PLPP1: variants seen among roughly 807,000 people sequenced by gnomAD.
PLPP1 encodes the protein lipid phosphate phosphohydrolase 1a.
A neutral mutation model predicts 31.2 loss-of-function variants in PLPP1; 24 were observed. The ratio of observed to expected loss-of-function variants is 0.77; its 90% CI spans 0.56 to 1.08. PLPP1 has a LOEUF of 1.08. PLPP1 is among the 50% of genes least tolerant of loss of function. PLPP1 has a pLI of 0.00. For synonymous variants in PLPP1, 146 were observed against 126.3 expected, an observed-to-expected ratio of 1.16 and a Z score of -1.05; for missense variants, 319 against 342.7, an observed-to-expected ratio of 0.93 and a Z score of 0.55.
At chr5:55,470,922 T>C (rs1220552125) in intron 2 of PLPP1, among the ~76,000 whole-genome samples, 1 of 152,190 alleles carries the variant, frequency 6.6e-6, no homozygotes, top group Non-Finnish European at 1.5e-5. Context: ...AAGCTAATAA[T>C]TATCTAAATC....
At chr5:55,518,393 A>G (rs1218802820) in intron 1 of PLPP1, among the ~76,000 whole-genome samples, 4 of 151,480 alleles carry the variant, frequency 2.6e-5, no homozygotes, top group Non-Finnish European at 5.9e-5. Flanking sequence ...AAAAAAATTG[A>G]CACCCAGCTG....
At chr5:55,426,160 T>G in intron 4 of PLPP1, 121 bp from the exon 5 acceptor site, 1 of 840,970 alleles carries the variant, frequency 1.2e-6, no homozygotes, top group Non-Finnish European at 1.8e-6. Flanking sequence ...ACAGGACTTC[T>G]AGGCAAACAT....
intron 1 of PLPP1, among the ~76,000 whole-genome samples, chr5:55,519,611 A>G (rs755753840): frequency 9.2e-5 from 14 of 152,052 alleles, no homozygotes; most frequent in Non-Finnish European, 1.6e-4. Context: ...TTAGCTGGGC[A>G]TGGTGGTGAG....
At chr5:55,490,908 T>A in intron 1 of PLPP1, 1 of 1,541,672 alleles carries the variant, frequency 6.5e-7, no homozygotes, top group Non-Finnish European at 8.9e-7. Flanking sequence ...CCATGCTTCA[T>A]CCAACCTCCA....
intron 4 of PLPP1, among the ~76,000 whole-genome samples, chr5:55,438,668 G>A (rs1166797614): frequency 2.6e-5 from 4 of 152,130 alleles, no homozygotes; most frequent in East Asian, 1.9e-4. Flanking sequence ...CTGGGAGCCC[G>A]AGGCAGGCGG....
chr5:55,500,153 C>A lies in PLPP1; in HGVS notation c.59-24703G>T, dbSNP rs181055019. Among the ~76,000 whole-genome samples, 8 of 150,554 alleles carry A rather than the reference C, an allele frequency of 5.3e-5. No homozygotes were observed. In the East Asian group the frequency reaches 1.6e-3, roughly 30 times the overall value. Reference sequence around the variant, plus strand: ...GGAGTGCAGTGGCGCAATCTCGGCTCACTACAAGCTCCACTTCCCGGGTTC... The same window carrying A: ...GGAGTGCAGTGGCGCAATCTCGGCTAACTACAAGCTCCACTTCCCGGGTTC... On this transcript the variant is annotated intron_variant, in intron 1 of 5. Coordinates refer to ENST00000307259, the MANE Select transcript of PLPP1 (RefSeq NM_003711.4).
intron 4 of PLPP1, among the ~76,000 whole-genome samples, chr5:55,441,526 T>C (rs1751619274): frequency 1.3e-5 from 2 of 152,210 alleles, no homozygotes; most frequent in African/African-American, 4.8e-5. Context: ...GCTCTGCTGC[T>C]GTTCGCCCAC....
At chr5:55,443,192 A>AAAAAAAAATATATAT in intron 3 of PLPP1, among the ~76,000 whole-genome samples, 5 of 25,440 alleles carry the variant, frequency 2.0e-4, no homozygotes, top group Admixed American at 7.8e-4. Flanking sequence ...AAAAAAAAAA[A>AAAAAAAAATATATAT]ATATATATAT....
chr5:55,478,196 T>C lies in PLPP1; in HGVS notation c.59-2746A>G, dbSNP rs532012155. On this transcript the variant is annotated intron_variant, in intron 1 of 5. Transcript: ENST00000307259. ...ACAAAAACCATGTTAGAAACTATTC[T>C]TAGATTTAGAAAAAAAGTTTGTGGG... is the stretch of plus-strand genomic sequence containing the variant. 3.7e-4 allele frequency among the ~76,000 whole-genome samples: 57 copies of C among 152,222 alleles called. 2 individuals carry two copies. In the South Asian group the frequency reaches 0.012, roughly 31 times the overall value.
intron 1 of PLPP1, among the ~76,000 whole-genome samples, chr5:55,497,412 ATTTTTTC>A (rs1256137791): frequency 2.1e-5 from 3 of 140,264 alleles, no homozygotes; most frequent in Non-Finnish European, 3.1e-5. Flanking sequence ...TTCCTGGCTA[ATTTTTTC>A]TTTTTTTTTT....
chr5:55,510,646 T>A (rs1753384982), intron 1 of PLPP1, among the ~76,000 whole-genome samples: 1 of 152,148 alleles, frequency 6.6e-6, no homozygotes, highest in Non-Finnish European at 1.5e-5. Context: ...CCCCTCCACC[T>A]AGCTAATGCC....
chr5:55,425,492 T>C, intron 5 of PLPP1, 158 bp from the exon 6 acceptor site: 1 of 649,334 alleles, frequency 1.5e-6, no homozygotes, highest in Non-Finnish European at 2.4e-6. Context: ...TGGGATTTTT[T>C]AAAGATTATT....
chr5:55,500,270 G>A (rs545118297), intron 1 of PLPP1, among the ~76,000 whole-genome samples: 8 of 151,858 alleles, frequency 5.3e-5, no homozygotes, highest in African/African-American at 9.7e-5. Flanking sequence ...TAGTAGAGAC[G>A]GGGTTTCACC....
At chr5:55,426,361 A>G (rs1326996427) in intron 4 of PLPP1, among the ~76,000 whole-genome samples, 2 of 152,186 alleles carry the variant, frequency 1.3e-5, no homozygotes, top group Non-Finnish European at 2.9e-5. Context: ...AATTTGGGTT[A>G]TAATTCTCAT....
intron 3 of PLPP1, among the ~76,000 whole-genome samples, chr5:55,462,403 G>A (rs1293973697): frequency 3.3e-5 from 5 of 151,354 alleles, no homozygotes; most frequent in South Asian, 2.1e-4. Context: ...GTTTTTTTTC[G>A]GTCAATAAAT....
At chr5:55,471,409 C>T (rs1752412811) in intron 2 of PLPP1, among the ~76,000 whole-genome samples, 1 of 152,088 alleles carries the variant, frequency 6.6e-6, no homozygotes, top group Admixed American at 6.5e-5. Context: ...ACCGTCTTGA[C>T]CAGGGTGGTC....
At chr5:55,491,161 C>T (rs1236728063) in intron 1 of PLPP1, 1 of 1,578,266 alleles carries the variant, frequency 6.3e-7, no homozygotes, top group Non-Finnish European at 8.6e-7. Context: ...ATTCAATTCA[C>T]TTCATTAGGA....
intron 1 of PLPP1, among the ~76,000 whole-genome samples, chr5:55,511,385 T>C (rs1053127740): frequency 6.6e-6 from 1 of 152,056 alleles, no homozygotes; most frequent in Non-Finnish European, 1.5e-5. Flanking sequence ...ATACATACAG[T>C]GAAATACCAT....
At chr5:55,530,797 G>GCGGTC (rs774074001) in intron 1 of PLPP1, 37 of 1,465,764 alleles carry the variant, frequency 2.5e-5, no homozygotes, top group Non-Finnish European at 3.3e-5. Context: ...CTGACAGGGC[G>GCGGTC]CGGTCCGCAC....
Sources: allele counts gnomAD v4.1 joint callset (sites outside exome capture counted in the v4.1 genomes callset), GRCh38; gene constraint gnomAD v4.1.1; transcripts MANE v1.5; gene names NCBI Gene and HGNC (gene_info 2026-07-23, HGNC 2026-07-21).